PDE5A: variants seen among roughly 807,000 people sequenced by gnomAD.
PDE5A encodes phosphodiesterase 5A.
A neutral mutation model predicts 110.2 loss-of-function variants in PDE5A; 67 were observed. The ratio of observed to expected loss-of-function variants is 0.61; its 90% confidence interval spans 0.50 to 0.75. PDE5A has a LOEUF of 0.75. PDE5A is among the 30% of genes least tolerant of loss of function. The probability of loss-of-function intolerance (pLI) is 0.00; values close to 1 mark genes in which losing one functional copy is unlikely to be tolerated. For synonymous variants in PDE5A, 328 were observed against 351.2 expected, an observed-to-expected ratio of 0.93 and a Z score of 0.74; for missense variants, 862 against 1,045.1, an observed-to-expected ratio of 0.82 and a Z score of 2.42.
chr4:119,573,938 G>A (rs1226269012), intron 3 of PDE5A, among the ~76,000 whole-genome samples: 1 of 152,018 alleles, frequency 6.6e-6, no homozygotes, highest in Admixed American at 6.5e-5. Flanking sequence ...TTAAAAAAAG[G>A]AGAAGGGTGG....
At chr4:119,584,556 T>C (rs1478007514) in intron 3 of PDE5A, among the ~76,000 whole-genome samples, 2 of 152,236 alleles carry the variant, frequency 1.3e-5, no homozygotes, top group Admixed American at 6.5e-5. Context: ...AATATGGAAG[T>C]TAATTATCAA....
At chr4:119,620,545 C>T (rs548021964) in intron 1 of PDE5A, among the ~76,000 whole-genome samples, 11 of 152,228 alleles carry the variant, frequency 7.2e-5, no homozygotes, top group South Asian at 2.1e-4. Flanking sequence ...GTTGGCTTTG[C>T]AGTTTAGATA....
intron 3 of PDE5A, among the ~76,000 whole-genome samples, chr4:119,592,383 G>C (rs1168338273): frequency 6.8e-6 from 1 of 147,164 alleles, no homozygotes; most frequent in African/African-American, 2.5e-5. Context: ...GCGCAAACCC[G>C]GGAGGCGGAG....
rs1411192229 is a variant in PDE5A, at chr4:119,505,897, T to C, written c.2225A>G (p.Asn742Ser). The C allele has an allele frequency of 1.9e-6, 3 of 1,570,690 alleles. No individual in the cohort carries two copies. The African/African-American group carries it at 4.2e-5, about 22-fold the overall frequency. ...ATGAGGATCTTCCAAATTGAATTGATTTTTTCTTATAAGTTCAAAAAATTC... is the reference window on the plus strand; with the variant it reads ...ATGAGGATCTTCCAAATTGAATTGACTTTTTCTTATAAGTTCAAAAAATTC... Reference protein sequence around the residue: ...RGEFFELIRKNQFNLEDPHQK... With the variant: ...RGEFFELIRKSQFNLEDPHQK... Residue 742 changes from asparagine to serine, a missense_variant, in exon 17 of 21, where the codon AAT becomes AGT. Physicochemically the swap from Asn to Ser is conservative, Grantham distance 46 (BLOSUM62 1). Coordinates refer to ENST00000354960, the MANE Select transcript of PDE5A (RefSeq NM_001083.4).
intron 20 of PDE5A, chr4:119,500,237 A>G (rs1015656078): frequency 6.6e-6 from 1 of 151,582 alleles, no homozygotes. Flanking sequence ...AAAAATAGGG[A>G]GACGACAGTG....
At chr4:119,505,408 T>G (rs1009464026) in intron 17 of PDE5A, among the ~76,000 whole-genome samples, 66 of 152,098 alleles carry the variant, frequency 4.3e-4, no homozygotes, top group African/African-American at 1.6e-3. Context: ...TATCAAACTG[T>G]TTTAATCATA....
intron 11 of PDE5A, chr4:119,527,349 T>C (rs1187930430): frequency 6.6e-6 from 1 of 152,098 alleles, no homozygotes; most frequent in African/African-American, 2.4e-5. Flanking sequence ...ATGCAAACAT[T>C]TTCCATAAGA....
At chr4:119,553,527 A>G (rs879612441) in intron 8 of PDE5A, 111 bp downstream of exon 8, 6 of 709,850 alleles carry the variant, frequency 8.5e-6, no homozygotes, top group Non-Finnish European at 1.5e-5. Context: ...AGCACAGATC[A>G]TTCCTAAACA....
Position 119,525,263 on chromosome 4 carries a change from A to AC in PDE5A, c.1779+285dup. On this transcript the variant is annotated intron_variant, in intron 12 of 20. Coordinates refer to ENST00000354960, the MANE Select transcript of PDE5A (RefSeq NM_001083.4). This position sits in a 1 kb window ranked among gnomAD's most constrained non-coding sequence, Gnocchi z 4.3. ...CCCCTCAACAGTACTCCTGGCCCTCACCCCCAATCTCTGCTGTCATGCCTT... is the reference window on the plus strand; with the variant it reads ...CCCCTCAACAGTACTCCTGGCCCTCACCCCCCAATCTCTGCTGTCATGCCTT... Among the ~76,000 whole-genome samples the AC allele has an allele frequency of 6.6e-6, 1 of 151,266 alleles. No homozygotes were observed. Among genetic ancestry groups the AC allele is most frequent in the Non-Finnish European group, 1.5e-5 (1 of 67,862 alleles).
chr4:119,503,540 A>C (rs1160050243), intron 18 of PDE5A, among the ~76,000 whole-genome samples: 1 of 152,148 alleles, frequency 6.6e-6, no homozygotes, highest in Non-Finnish European at 1.5e-5. Context: ...AACCATAAGA[A>C]AAGTAATTTT....
intron 11 of PDE5A, among the ~76,000 whole-genome samples, chr4:119,537,645 T>C (rs1726774464): frequency 6.6e-6 from 1 of 151,950 alleles, no homozygotes; most frequent in South Asian, 2.1e-4. Flanking sequence ...CCCCTATGAT[T>C]TCACTACCAT....
chr4:119,513,735 T>C (rs917945529), intron 14 of PDE5A, among the ~76,000 whole-genome samples: 7 of 152,194 alleles, frequency 4.6e-5, no homozygotes, highest in Non-Finnish European at 1.0e-4. Flanking sequence ...ATCCACTCAT[T>C]GACCCACTTA....
At chr4:119,516,009 A>G (rs989269924) in intron 14 of PDE5A, among the ~76,000 whole-genome samples, 1 of 152,128 alleles carries the variant, frequency 6.6e-6, no homozygotes, top group Non-Finnish European at 1.5e-5. Context: ...TTCATTCCTA[A>G]TCAGTGTGAA....
At chr4:119,619,517 T>C (rs1315615731) in intron 1 of PDE5A, among the ~76,000 whole-genome samples, 2 of 152,198 alleles carry the variant, frequency 1.3e-5, no homozygotes, top group African/African-American at 4.8e-5. Flanking sequence ...TCCAGTTCCC[T>C]TTCCAGTACC....
At chr4:119,583,950 G>A (rs990618564) in intron 3 of PDE5A, among the ~76,000 whole-genome samples, 1 of 152,182 alleles carries the variant, frequency 6.6e-6, no homozygotes, top group African/African-American at 2.4e-5. Context: ...GTATGCTGAT[G>A]AGCAGATTTG....
intron 1 of PDE5A, among the ~76,000 whole-genome samples, chr4:119,611,036 T>C (rs568982189): frequency 6.6e-6 from 1 of 152,206 alleles, no homozygotes; most frequent in Non-Finnish European, 1.5e-5. Context: ...CTCTCGCCCA[T>C]GCCAGCATCC....
intron 14 of PDE5A, among the ~76,000 whole-genome samples, chr4:119,515,423 G>A (rs1260050117): frequency 6.6e-6 from 1 of 152,106 alleles, no homozygotes; most frequent in Non-Finnish European, 1.5e-5. Flanking sequence ...CAGTGTGACT[G>A]TGGCTACCAG....
chr4:119,565,889 C>T (rs1376652345), intron 4 of PDE5A, among the ~76,000 whole-genome samples: 2 of 150,698 alleles, frequency 1.3e-5, no homozygotes, highest in South Asian at 2.1e-4. Context: ...CTATCATCCT[C>T]ATTAAACTAT....
chr4:119,627,945 G>T lies in PDE5A; in HGVS notation c.152+575C>A. ...GGCGGAAAAGCGAGTGAAAGGAGGC[G>T]CGCGGGACAAGCAGGAGACTGGAAG... On this transcript the variant is annotated intron_variant, in intron 1 of 20. Coordinates refer to ENST00000354960, the MANE Select transcript of PDE5A (RefSeq NM_001083.4). The surrounding 1 kb of genome is among the most constrained non-coding windows in gnomAD (Gnocchi z 4.6). The T allele has an allele frequency of 3.3e-6, 2 of 598,990 alleles. No homozygotes were observed. The highest frequency in any genetic ancestry group is 4.2e-6 in the Non-Finnish European group (2 of 476,176). 37.1% of individuals were successfully genotyped at this position (598,990 alleles called of 1,614,324 possible). A position where few individuals can be genotyped will look rare whatever the true frequency, so the allele number is the denominator to read the frequency against.
Sources: gnomAD v4.1 joint callset for allele counts (sites outside exome capture counted in the v4.1 genomes callset) on GRCh38, gnomAD v4.1.1 for gene constraint, Gnocchi (gnomAD v3.1) non-coding constraint, MANE v1.5 for transcripts, NCBI Gene and HGNC (gene_info 2026-07-23, HGNC 2026-07-21) for gene names.